The following KMO variants were observed in gnomAD, a reference collection of about 807,000 sequenced individuals.
KMO encodes the protein kynurenine 3-monooxygenase, also known as kynurenine 3-hydroxylase.
Under a neutral mutation model 57.8 loss-of-function variants are expected in KMO, and 24 were observed. The ratio of observed to expected loss-of-function variants is 0.42; its 90% CI spans 0.30 to 0.58. The LOEUF is 0.58. KMO is among the 20% of genes least tolerant of loss of function. KMO has a pLI of 0.22. For synonymous variants in KMO, 210 were observed against 193.6 expected, an observed-to-expected ratio of 1.08 and a Z score of -0.70; for missense variants, 483 against 588.2, an observed-to-expected ratio of 0.82 and a Z score of 1.85.
Position 241,565,056 on chromosome 1 carries a change from A to C in KMO, c.685A>C (p.Met229Leu). 6.4e-7 allele frequency: 1 copy of C among 1,566,598 alleles called. No individual in the cohort carries two copies. The highest frequency in any genetic ancestry group is 8.8e-7 in the Non-Finnish European group (1 of 1,138,306). Residue 229 changes from methionine to leucine, a missense_variant and splice_region_variant, in exon 8 of 15, where the codon ATG becomes CTG. Around this residue, in one of 3 missense-constraint regions of KMO, gnomAD observed 410 missense variants for 492.3 expected, o/e 0.83. Transcript: ENST00000366559. ...CTTTATGATGATTGCACTTCCTAACATGGTAGTATAGAATTTTTTATCAAC... is the reference window on the plus strand; with the variant it reads ...CTTTATGATGATTGCACTTCCTAACCTGGTAGTATAGAATTTTTTATCAAC... ...NTFMMIALPN[M>L]NKSFTCTLFM...
intron 5 of KMO, 120 bp from the exon 6 acceptor site, chr1:241,560,545 A>G: frequency 1.4e-6 from 1 of 692,948 alleles, no homozygotes; most frequent in South Asian, 1.8e-5. Context: ...TTATTTTTAC[A>G]TTGTTATGAA....
Position 241,550,966 on chromosome 1 carries a change from A to G in KMO, c.234A>G (p.Gln78=). ...AVGLEDQIVS[Q]GIPMRARMIH... ...TGGTTTCATTTCAGATTGTATCCCA[A>G]GGTATTCCCATGAGAGCAAGAATGA... Residue 78 remains glutamine, a synonymous_variant, in exon 4 of 15, where the codon CAA becomes CAG. Transcript: ENST00000366559. 1.3e-6 allele frequency: 2 copies of G among 1,524,840 alleles called. No individual in the cohort carries two copies. Among genetic ancestry groups the G allele is most frequent in the East Asian group, 2.5e-5 (1 of 39,942 alleles). 94.5% of individuals were successfully genotyped at this position (1,524,840 alleles called of 1,614,324 possible). A position where few individuals can be genotyped will look rare whatever the true frequency, so the allele number is the denominator to read the frequency against.
In KMO at chr1:241,555,608, G is replaced by T. The variant is rs932766378; in HGVS notation, c.313-4G>T. The T allele has an allele frequency of 1.3e-6, 2 of 1,520,652 alleles. No individual in the cohort carries two copies. Among genetic ancestry groups the T allele is most frequent in the Admixed American group, 1.7e-5 (1 of 59,662 alleles). The allele number at this position is 1,520,652 out of a possible 1,614,324, so 94.2% of individuals were successfully genotyped here. A position where few individuals can be genotyped will look rare whatever the true frequency, so the allele number is the denominator to read the frequency against. On this transcript the variant is annotated splice_polypyrimidine_tract_variant and splice_region_variant and intron_variant, in intron 4 of 14. Transcript: ENST00000366559. ...AAACAGTATCTACTCTACTTTTCTT[G>T]CAGTATATTCTTTCTGTAAGCAGAG...
At chr1:241,569,929 C>T (rs1662215815) in intron 10 of KMO, among the ~76,000 whole-genome samples, 1 of 151,972 alleles carries the variant, frequency 6.6e-6, no homozygotes, top group African/African-American at 2.4e-5. Flanking sequence ...TTCATATACC[C>T]ACTGGCCATT....
chr1:241,538,349 CA>C (rs1166933453), intron 1 of KMO, among the ~76,000 whole-genome samples: 1 of 152,066 alleles, frequency 6.6e-6, no homozygotes, highest in East Asian at 1.9e-4. Flanking sequence ...AGTCAATGGG[CA>C]AGGTAGAAAG....
intron 1 of KMO, among the ~76,000 whole-genome samples, chr1:241,539,603 T>TG (rs1660883995): frequency 6.6e-6 from 1 of 152,232 alleles, no homozygotes; most frequent in African/African-American, 2.4e-5. Context: ...CTCTTTCGTG[T>TG]GCTTTGCAGT....
At chr1:241,578,952 A>C (rs913231133) in intron 10 of KMO, among the ~76,000 whole-genome samples, 4 of 152,090 alleles carry the variant, frequency 2.6e-5, no homozygotes, top group Non-Finnish European at 4.4e-5. Context: ...AAACCATCAG[A>C]TCTCATGAGA....
chr1:241,540,450 T>C (rs958976424), intron 1 of KMO, among the ~76,000 whole-genome samples: 6 of 152,054 alleles, frequency 3.9e-5, no homozygotes, highest in East Asian at 1.9e-4. Flanking sequence ...ACTGAGGATA[T>C]GAGTCTTAAA....
rs1255785144 is a variant in KMO, at chr1:241,571,885, TG to T, written c.957+3239del. 5.7e-3 allele frequency among the ~76,000 whole-genome samples: 826 copies of T among 146,008 alleles called. 11 individuals carry two copies. The highest frequency in any genetic ancestry group is 0.02 in the African/African-American group (790 of 39,076). On this transcript the variant is annotated intron_variant, in intron 10 of 14. Transcript: ENST00000366559. The stretch of plus-strand genomic sequence containing the variant: ...GTTCCTTTTTTTTTTTTTTTTTTTT[TG>T]AGATGGAGTCTCGCTCTGTTGCCAG...
chr1:241,579,691 C>T (rs1202935532), intron 10 of KMO, among the ~76,000 whole-genome samples: 1 of 152,120 alleles, frequency 6.6e-6, no homozygotes, highest in East Asian at 1.9e-4. Flanking sequence ...TGGTGACTTT[C>T]AGGCCACTCC....
intron 10 of KMO, among the ~76,000 whole-genome samples, chr1:241,573,509 C>T (rs930817623): frequency 1.3e-5 from 2 of 152,106 alleles, no homozygotes; most frequent in Non-Finnish European, 2.9e-5. Flanking sequence ...CCAGTTTTCC[C>T]AGCACCATTT....
chr1:241,533,359 C>T (rs190637634), intron 1 of KMO, among the ~76,000 whole-genome samples: 8 of 152,286 alleles, frequency 5.3e-5, no homozygotes, highest in African/African-American at 1.2e-4. Flanking sequence ...TTATTGAGGG[C>T]GTAACACTGT....
In KMO at chr1:241,565,429, G is replaced by C. The variant is rs558592098; in HGVS notation, c.687+371G>C. Among the ~76,000 whole-genome samples the C allele has an allele frequency of 3.3e-5, 5 of 152,092 alleles. No individual in the cohort carries two copies. The South Asian group carries it at 6.2e-4, about 19-fold the overall frequency. The stretch of plus-strand genomic sequence containing the variant: ...TACATTGGAATACGCATTATCAAAA[G>C]AGAGCATGGGGATGGGCGCAGCGGC... On this transcript the variant is annotated intron_variant, in intron 8 of 14. Coordinates refer to ENST00000366559, the MANE Select transcript of KMO (RefSeq NM_003679.5).
intron 12 of KMO, 27 bp from the exon 13 acceptor site, chr1:241,589,985 C>G: frequency 6.5e-7 from 1 of 1,547,704 alleles, no homozygotes; most frequent in Non-Finnish European, 8.9e-7. Flanking sequence ...TGTTCAAAAG[C>G]GTTCTTTAAG....
chr1:241,578,819 G>A (rs146914065), intron 10 of KMO, among the ~76,000 whole-genome samples: 23 of 152,220 alleles, frequency 1.5e-4, no homozygotes, highest in South Asian at 4.1e-4. Context: ...AGAGAGGTTT[G>A]ATGGATGCAC....
In KMO at chr1:241,560,110, C is replaced by T. The variant is rs537930022; in HGVS notation, c.362-555C>T. 1.9e-3 allele frequency among the ~76,000 whole-genome samples: 291 copies of T among 152,264 alleles called. 1 individual carries two copies. The highest frequency in any genetic ancestry group is 3.0e-3 in the Admixed American group (46 of 15,286). On this transcript the variant is annotated intron_variant, in intron 5 of 14. Coordinates refer to ENST00000366559, the MANE Select transcript of KMO (RefSeq NM_003679.5). The stretch of plus-strand genomic sequence containing the variant: ...TGCTAGCAGGCAAAACAGAAAATTA[C>T]GAAAATAATTTGTTTCAGTTTATTG...
In KMO at chr1:241,594,813, G is replaced by T; in HGVS notation, c.*2660G>T. 9.7e-7 allele frequency: 1 copy of T among 1,032,930 alleles called. No homozygotes were observed. Among genetic ancestry groups the T allele is most frequent in the Non-Finnish European group, 1.4e-6 (1 of 710,844 alleles). The allele number at this position is 1,032,930 out of a possible 1,614,324, so 64.0% of individuals were successfully genotyped here. On this transcript the variant is annotated 3_prime_UTR_variant, in exon 15 of 15. Coordinates refer to ENST00000366559, the MANE Select transcript of KMO (RefSeq NM_003679.5). ...TTTTTGTTTGTTAGCAGGTGTGGAT[G>T]TGGGGTTATGTGGTCATGCTCAGAT...
At chr1:241,547,280 G>A (rs1453414447) in intron 1 of KMO, among the ~76,000 whole-genome samples, 1 of 152,040 alleles carries the variant, frequency 6.6e-6, no homozygotes, top group African/African-American at 2.4e-5. Flanking sequence ...TAAAAGATTG[G>A]TGAATATGGT....
chr1:241,592,025 A>C lies in KMO; in HGVS notation c.1333A>C (p.Met445Leu). 1.9e-6 allele frequency: 3 copies of C among 1,613,972 alleles called. No homozygotes were observed. The highest frequency in any genetic ancestry group is 1.7e-5 in the Admixed American group (1 of 60,010). The change falls in exon 15 of 15, where the codon ATG (methionine) becomes CTG (leucine). Residue 445 changes from methionine to leucine, a missense_variant. Met to Leu is a conservative substitution (Grantham distance 15). Coordinates refer to ENST00000366559, the MANE Select transcript of KMO (RefSeq NM_003679.5). Reference protein sequence around the residue: ...ISSTYLLIHYMSPRSFLRLRR... With the variant: ...ISSTYLLIHYLSPRSFLRLRR... ...CAGTACCTACCTACTTATACACTAC[A>C]TGTCACCACGATCTTTCCTCCGCTT... is the stretch of plus-strand genomic sequence containing the variant.
Sources: allele counts gnomAD v4.1 joint callset (sites outside exome capture counted in the v4.1 genomes callset), GRCh38; gene constraint gnomAD v4.1.1; regional missense constraint gnomAD v4.1.1; transcripts MANE v1.5; gene names NCBI Gene and HGNC (gene_info 2026-07-23, HGNC 2026-07-21).